ABL1: variants seen among roughly 807,000 people sequenced by gnomAD.
ABL1 encodes ABL proto-oncogene 1, non-receptor tyrosine kinase.
In ABL1, 11 loss-of-function variants were observed where a neutral mutation model predicts 94.7. The observed-to-expected ratio is 0.12, with a 90% CI of 0.07 to 0.19. The LOEUF is 0.19. ABL1 is among the 10% of genes least tolerant of loss of function. The pLI, the probability that ABL1 is intolerant of heterozygous loss-of-function variation, is 1.00. For synonymous variants in ABL1, 656 were observed against 622.4 expected (o/e 1.05, Z -0.80); for missense variants, 1,082 against 1,489.4 (o/e 0.73, Z 4.50).
intron 1 of ABL1, among the ~76,000 whole-genome samples, chr9:130,762,791 G>T (rs1038753155): frequency 6.6e-6 from 1 of 151,508 alleles, no homozygotes; most frequent in African/African-American, 2.4e-5. Context: ...GGTGCCTGTA[G>T]TCCCAGCTAC....
rs113346752 is a variant in ABL1, at chr9:130,850,893, G to A, written c.80-3171G>A. Among the ~76,000 whole-genome samples the A allele has an allele frequency of 9.7e-3, 1,468 of 151,450 alleles. 19 individuals carry two copies. Among genetic ancestry groups the A allele is most frequent in the African/African-American group, 0.033 (1,368 of 40,900 alleles). On this transcript the variant is annotated intron_variant, in intron 1 of 10. Transcript: ENST00000318560. ...TACACTAAATGGGGGTGGGGATCAC[G>A]TTGTTGTTTTTTGTTTGTTTTTGTT...
chr9:130,762,638 G>A (rs756368946), intron 1 of ABL1, among the ~76,000 whole-genome samples: 17 of 152,030 alleles, frequency 1.1e-4, no homozygotes, highest in East Asian at 7.7e-4. Context: ...CTGGCTGGGC[G>A]TGGTGGCTCA....
At chr9:130,760,668 C>CT (rs923172063) in intron 1 of ABL1, among the ~76,000 whole-genome samples, 182 of 145,434 alleles carry the variant, frequency 1.3e-3, no homozygotes, top group Admixed American at 1.3e-3. Flanking sequence ...TCCTCCCCCA[C>CT]TTTTTTTTTT....
In ABL1 at chr9:130,836,824, CAAAAAA is replaced by C. The variant is rs565723193; in HGVS notation, c.79+1316_79+1321del. ...TGGGCGACACAGCAAGACTCGGTCTCAAAAAAAAAAAAAAAAAAAAAAGAGTAGAAA... is the reference window on the plus strand; with the variant it reads ...TGGGCGACACAGCAAGACTCGGTCTCAAAAAAAAAAAAAAAAGAGTAGAAA... On this transcript the variant is annotated intron_variant, in intron 1 of 10. Transcript: ENST00000318560. Among the ~76,000 whole-genome samples, 638 of 77,182 alleles carry C rather than the reference CAAAAAA, an allele frequency of 8.3e-3. 3 individuals are homozygous for C. Among genetic ancestry groups the C allele is most frequent in the African/African-American group, 0.022 (572 of 25,978 alleles). 50.6% of individuals were successfully genotyped at this position (77,182 alleles called of 152,430 possible). A position where few individuals can be genotyped will look rare whatever the true frequency, so the allele number is the denominator to read the frequency against.
chr9:130,714,303 G>T, exon 1 of ABL1: 1 of 1,577,404 alleles, frequency 6.3e-7, no homozygotes, highest in Non-Finnish European at 8.6e-7. Flanking sequence ...CTGGAAAGGG[G>T]TACCTATTAT....
intron 1 of ABL1, among the ~76,000 whole-genome samples, chr9:130,741,678 A>G (rs1311838888): frequency 6.6e-6 from 1 of 151,982 alleles, no homozygotes; most frequent in Non-Finnish European, 1.5e-5. Context: ...CAGTTACCAC[A>G]CTGGTATACC....
At chr9:130,813,324 G>A (rs1830236154) in intron 1 of ABL1, among the ~76,000 whole-genome samples, 1 of 152,148 alleles carries the variant, frequency 6.6e-6, no homozygotes, top group Non-Finnish European at 1.5e-5. Flanking sequence ...CACTTTGGGA[G>A]GCTGAGGCGG....
At chr9:130,759,377 C>T (rs1742107610) in intron 1 of ABL1, among the ~76,000 whole-genome samples, 2 of 152,180 alleles carry the variant, frequency 1.3e-5, no homozygotes, top group South Asian at 2.1e-4. Context: ...CTGCACTGTA[C>T]GTTTCATTAG....
At chr9:130,793,575 C>T (rs989030641) in intron 1 of ABL1, among the ~76,000 whole-genome samples, 3 of 152,244 alleles carry the variant, frequency 2.0e-5, no homozygotes, top group East Asian at 1.9e-4. Flanking sequence ...CAAGCTGTGT[C>T]GTACATTTTG....
At chr9:130,855,118 G>T (rs1391254637) in intron 3 of ABL1, 22 bp downstream of exon 3, 4 of 1,604,404 alleles carry the variant, frequency 2.5e-6, no homozygotes, top group Non-Finnish European at 1.7e-6. Context: ...TTGGCAGGGG[G>T]CGCTGATGGG....
At chr9:130,778,445 A>G (rs555278138) in intron 1 of ABL1, among the ~76,000 whole-genome samples, 3 of 152,328 alleles carry the variant, frequency 2.0e-5, no homozygotes, top group Admixed American at 6.5e-5. Context: ...GCTGGGGGTG[A>G]GGAGGTGGAG....
At chr9:130,816,992 C>T (rs963951464) in intron 1 of ABL1, among the ~76,000 whole-genome samples, 1 of 152,262 alleles carries the variant, frequency 6.6e-6, no homozygotes, top group Non-Finnish European at 1.5e-5. Context: ...AGGCGTGAGC[C>T]ACCGCCTGGT....
chr9:130,881,238 T>C (rs1831447490), intron 10 of ABL1, among the ~76,000 whole-genome samples: 1 of 152,084 alleles, frequency 6.6e-6, no homozygotes, highest in African/African-American at 2.4e-5. Flanking sequence ...GTGTGCCTAC[T>C]ACAGGCCAGG....
At chr9:130,876,231 G>T (rs1479175137) in intron 7 of ABL1, among the ~76,000 whole-genome samples, 2 of 152,002 alleles carry the variant, frequency 1.3e-5, no homozygotes, top group East Asian at 3.9e-4. Flanking sequence ...GCTAGGTATT[G>T]CCAGGTAGGA....
chr9:130,749,738 A>C (rs955307585), intron 1 of ABL1, among the ~76,000 whole-genome samples: 14 of 152,154 alleles, frequency 9.2e-5, no homozygotes, highest in African/African-American at 1.4e-4. Context: ...GATGTCTGTG[A>C]AAGAACTTTG....
At chr9:130,805,537 A>C (rs191968830) in intron 1 of ABL1, among the ~76,000 whole-genome samples, 1 of 152,300 alleles carries the variant, frequency 6.6e-6, no homozygotes, top group Admixed American at 6.5e-5. Context: ...TTTATGATTG[A>C]TTGATCTCCA....
upstream of ABL1, chr9:130,834,998 C>T (rs1830541394): frequency 2.7e-6 from 1 of 372,068 alleles, no homozygotes; most frequent in African/African-American, 2.2e-5. Context: ...GTGGAGCAGG[C>T]CTGCACCCTC....
rs1484333997 is a variant in ABL1 at position 130,854,789 on chromosome 9, C to G, written c.254-12C>G. On this transcript the variant is annotated splice_polypyrimidine_tract_variant and intron_variant, in intron 2 of 10. Coordinates refer to ENST00000318560, the MANE Select transcript of ABL1 (RefSeq NM_005157.6). ...AAAGCTGATATGTCTGATTTGGTTC[C>G]TTTCTTCTCAGGTGAAAAGCTCCGG... The G allele has an allele frequency of 6.2e-7, 1 of 1,608,372 alleles. No individual in the cohort carries two copies. Among genetic ancestry groups the G allele is most frequent in the East Asian group, 2.2e-5 (1 of 44,768 alleles).
chr9:130,849,839 TG>T (rs1382201381), intron 1 of ABL1, among the ~76,000 whole-genome samples: 2 of 152,228 alleles, frequency 1.3e-5, no homozygotes. Context: ...GTAAATTTTT[TG>T]TGAATTGTTT....
Sources: gnomAD v4.1 joint callset for allele counts (sites outside exome capture counted in the v4.1 genomes callset) on GRCh38, gnomAD v4.1.1 for gene constraint, MANE v1.5 for transcripts, NCBI Gene and HGNC (gene_info 2026-07-23, HGNC 2026-07-21) for gene names.